The following ADAM19 variants were observed in gnomAD, a reference collection of about 807,000 sequenced individuals.
The protein encoded by ADAM19 is disintegrin and metalloproteinase domain-containing protein 19.
A neutral mutation model predicts 114.7 loss-of-function variants in ADAM19; 65 were observed. That is an observed-to-expected ratio of 0.57 (90% CI 0.46 to 0.70). ADAM19 has a LOEUF of 0.70. ADAM19 is among the 30% of genes least tolerant of loss of function. The pLI, the probability that ADAM19 is intolerant of heterozygous loss-of-function variation, is 0.00. For missense variants in ADAM19, 1,063 were observed against 1,204.7 expected, an observed-to-expected ratio of 0.88 and a Z score of 1.74; for synonymous variants, 466 against 460.5, an observed-to-expected ratio of 1.01 and a Z score of -0.15.
rs540392642 is a variant in ADAM19, at chr5:157,540,900, A to G, written c.252-2909T>C. Reference sequence around the variant, plus strand: ...AATCTACATAAAACAATCCGCTTTCATTTTCCACCTAATCACCCTTTCTGA... The same window carrying G: ...AATCTACATAAAACAATCCGCTTTCGTTTTCCACCTAATCACCCTTTCTGA... On this transcript the variant is annotated intron_variant, in intron 3 of 22. Transcript: ENST00000257527. Among the ~76,000 whole-genome samples, 55 of 152,220 alleles carry G rather than the reference A, an allele frequency of 3.6e-4. 1 individual carries two copies. Among genetic ancestry groups the G allele is most frequent in the African/African-American group, 1.3e-3 (54 of 41,542 alleles).
At chr5:157,559,710 A>G (rs1207527787) in intron 3 of ADAM19, among the ~76,000 whole-genome samples, 3 of 152,188 alleles carry the variant, frequency 2.0e-5, no homozygotes, top group African/African-American at 7.2e-5. Context: ...GAGAAAAAAT[A>G]TGGATTAATG....
At chr5:157,549,699 C>T (rs1757137226) in intron 3 of ADAM19, among the ~76,000 whole-genome samples, 6 of 152,194 alleles carry the variant, frequency 3.9e-5, no homozygotes, top group Admixed American at 3.3e-4. Flanking sequence ...TGTTTTCTCT[C>T]CCACAGAGTC....
intron 3 of ADAM19, 34 bp from the exon 4 acceptor site, chr5:157,538,025 A>C: frequency 6.4e-7 from 1 of 1,559,118 alleles, no homozygotes; most frequent in Non-Finnish European, 8.8e-7. Flanking sequence ...TTATATCATA[A>C]GTGGATGAAC....
At chr5:157,536,567 G>A (rs1309643019) in intron 4 of ADAM19, among the ~76,000 whole-genome samples, 1 of 152,132 alleles carries the variant, frequency 6.6e-6, no homozygotes, top group Non-Finnish European at 1.5e-5. Flanking sequence ...GGCGGAGGTT[G>A]CAGTGAGCCA....
At chr5:157,521,943 A>T (rs1756302559) in intron 5 of ADAM19, among the ~76,000 whole-genome samples, 1 of 152,208 alleles carries the variant, frequency 6.6e-6, no homozygotes, top group African/African-American at 2.4e-5. Flanking sequence ...TGCCAAGATT[A>T]CACCCAGTGA....
At chr5:157,522,714 A>G (rs1756337880) in intron 5 of ADAM19, among the ~76,000 whole-genome samples, 1 of 152,092 alleles carries the variant, frequency 6.6e-6, no homozygotes. Context: ...TGAACCTGGG[A>G]GGCGGAGGTT....
At chr5:157,507,362 A>C (rs1581311566) in intron 9 of ADAM19, among the ~76,000 whole-genome samples, 2 of 152,190 alleles carry the variant, frequency 1.3e-5, no homozygotes, top group East Asian at 3.8e-4. Flanking sequence ...GAGGAACACA[A>C]AGAGAGAGAG....
At chr5:157,542,692 C>T (rs1288550712) in intron 3 of ADAM19, among the ~76,000 whole-genome samples, 1 of 152,228 alleles carries the variant, frequency 6.6e-6, no homozygotes, top group Non-Finnish European at 1.5e-5. Flanking sequence ...GTAATCCCAG[C>T]TACTCAGGAG....
chr5:157,551,283 A>T (rs1349602142), intron 3 of ADAM19, among the ~76,000 whole-genome samples: 1 of 152,016 alleles, frequency 6.6e-6, no homozygotes, highest in African/African-American at 2.4e-5. Context: ...GCACGCCTGT[A>T]ATCTCAGCTA....
intron 4 of ADAM19, among the ~76,000 whole-genome samples, chr5:157,531,588 G>C (rs1016385219): frequency 6.6e-6 from 1 of 151,900 alleles, no homozygotes; most frequent in African/African-American, 2.4e-5. Context: ...AATTGCTTGA[G>C]TCCAGGAGAT....
At chr5:157,559,188 T>C (rs951638249) in intron 3 of ADAM19, among the ~76,000 whole-genome samples, 2 of 152,228 alleles carry the variant, frequency 1.3e-5, no homozygotes, top group Non-Finnish European at 2.9e-5. Flanking sequence ...CCCGTTCTTA[T>C]TAACTAAACT....
At chr5:157,487,183 C>T (rs1396475633) in intron 21 of ADAM19, among the ~76,000 whole-genome samples, 1 of 152,168 alleles carries the variant, frequency 6.6e-6, no homozygotes, top group Non-Finnish European at 1.5e-5. Context: ...TCTCTCTCCA[C>T]TCCTCCCCTC....
At chr5:157,555,972 A>T (rs1337700607) in intron 3 of ADAM19, among the ~76,000 whole-genome samples, 1 of 152,012 alleles carries the variant, frequency 6.6e-6, no homozygotes. Context: ...TATATTTGCC[A>T]TTGTATTTAG....
Position 157,532,935 on chromosome 5 carries a change from G to A in ADAM19, c.331-2052C>T, listed in dbSNP as rs1293823434. 2.0e-5 allele frequency among the ~76,000 whole-genome samples: 3 copies of A among 152,164 alleles called. No homozygotes were observed. The South Asian group carries it at 6.2e-4, about 32-fold the overall frequency. Reference sequence around the variant, plus strand: ...ACCCCAGAGTGGTGGTGAGAATATCGTACATAAAGGAGCTAGTAGAGTACT... The same window carrying A: ...ACCCCAGAGTGGTGGTGAGAATATCATACATAAAGGAGCTAGTAGAGTACT... On this transcript the variant is annotated intron_variant, in intron 4 of 22. Coordinates refer to ENST00000257527, the MANE Select transcript of ADAM19 (RefSeq NM_033274.5).
chr5:157,499,610 G>GC lies in ADAM19; in HGVS notation c.1360dup (p.Ala454GlyfsTer13), dbSNP rs1755486067. ...GCAGCAGGAGCCGTGAGCACACTCC[G>GC]CCCCCGGCCTCAGGGTACAATTAGA... On this transcript the variant is annotated frameshift_variant, in exon 13 of 23. Transcript: ENST00000257527. LOFTEE classifies it high-confidence loss of function. 1 of 1,613,224 alleles carries GC rather than the reference G, an allele frequency of 6.2e-7. No individual in the cohort carries two copies. The highest frequency in any genetic ancestry group is 8.5e-7 in the Non-Finnish European group (1 of 1,179,836).
intron 3 of ADAM19, among the ~76,000 whole-genome samples, chr5:157,548,610 T>C (rs1441792433): frequency 6.6e-6 from 1 of 152,202 alleles, no homozygotes; most frequent in Non-Finnish European, 1.5e-5. Context: ...ACTTAGTTTA[T>C]TCAAGGGGTC....
intron 4 of ADAM19, among the ~76,000 whole-genome samples, chr5:157,537,121 C>T (rs928553004): frequency 3.3e-5 from 5 of 152,228 alleles, no homozygotes; most frequent in Non-Finnish European, 5.9e-5. Flanking sequence ...CTGCCAGTCA[C>T]GGCAATAAAA....
chr5:157,505,668 C>A lies in ADAM19; in HGVS notation c.1130+1G>T. The A allele has an allele frequency of 6.2e-7, 1 of 1,613,918 alleles. No homozygotes were observed. The highest frequency in any genetic ancestry group is 1.3e-5 in the African/African-American group (1 of 75,062). ...ATCCTCCCTCTTGCTGTTTGACTCA[C>A]CCAGTGGCAGCTGCCATGATGCACC... On this transcript the variant is annotated splice_donor_variant, in intron 11 of 22. Coordinates refer to ENST00000257527, the MANE Select transcript of ADAM19 (RefSeq NM_033274.5). LOFTEE classifies it high-confidence loss of function.
chr5:157,491,965 G>T, intron 16 of ADAM19, 53 bp from the exon 17 acceptor site: 1 of 1,587,184 alleles, frequency 6.3e-7, no homozygotes, highest in South Asian at 1.1e-5. Flanking sequence ...TGCTGGTTGG[G>T]AGTTAGGAGG....
Sources: gnomAD v4.1 joint callset for allele counts (sites outside exome capture counted in the v4.1 genomes callset) on GRCh38, gnomAD v4.1.1 for gene constraint, MANE v1.5 for transcripts, NCBI Gene and HGNC (gene_info 2026-07-23, HGNC 2026-07-21) for gene names.